Variants in MICALL1 observed in about 807,000 individuals in gnomAD.
MICALL1 encodes MICAL like 1, also known as MICAL-like protein 1.
MICALL1 carries 61 observed loss-of-function variants against 83.7 expected under a neutral mutation model. The observed-to-expected ratio is 0.73, with a 90% CI of 0.59 to 0.90. MICALL1 has a LOEUF of 0.90. Ranked by LOEUF, MICALL1 falls within the 40% of genes least tolerant of loss-of-function variation. The pLI is 0.00. For missense variants in MICALL1, 1,066 were observed against 1,152.0 expected, an observed-to-expected ratio of 0.93 and a Z score of 1.08; for synonymous variants, 481 against 473.6, an observed-to-expected ratio of 1.02 and a Z score of -0.20.
At chr22:37,914,037 G>A (rs928664677) in intron 3 of MICALL1, among the ~76,000 whole-genome samples, 4 of 151,630 alleles carry the variant, frequency 2.6e-5, no homozygotes, top group South Asian at 2.1e-4. Flanking sequence ...CAACATGTCC[G>A]GCTAATTTTT....
At position 37,927,833 on chromosome 22, in the gene MICALL1, G is replaced by T; in HGVS notation, c.1881+7G>T. ...CCCACAGCTGCAGGTAAAGGTGAGT[G>T]CCCCCTCACCCTCACTAAAAGTGAC... On this transcript the variant is annotated splice_region_variant and intron_variant, in intron 9 of 15. Coordinates refer to ENST00000215957, the MANE Select transcript of MICALL1 (RefSeq NM_033386.4). 6.3e-7 allele frequency: 1 copy of T among 1,598,440 alleles called. No individual in the cohort carries two copies.
At chr22:37,937,030 G>GA (rs1930166321) in intron 13 of MICALL1, 50 bp from the exon 14 acceptor site, 6 of 1,484,284 alleles carry the variant, frequency 4.0e-6, no homozygotes, top group Non-Finnish European at 5.5e-6. Flanking sequence ...GCCTGGGGAG[G>GA]AAGAGGGCTT....
At chr22:37,907,756 G>A (rs1435504030) in intron 1 of MICALL1, among the ~76,000 whole-genome samples, 1 of 152,228 alleles carries the variant, frequency 6.6e-6, no homozygotes, top group Non-Finnish European at 1.5e-5. Flanking sequence ...TGGTGGCTTG[G>A]GCCCTGGAGG....
At chr22:37,937,814 A>G (rs1930218921) in intron 15 of MICALL1, 22 bp downstream of exon 15, 17 of 1,612,766 alleles carry the variant, frequency 1.1e-5, no homozygotes, top group Non-Finnish European at 1.3e-5. Flanking sequence ...GCTGGGGATG[A>G]GGCTGGTGAG....
At chr22:37,909,332 G>A (rs1428183360) in intron 1 of MICALL1, among the ~76,000 whole-genome samples, 2 of 151,622 alleles carry the variant, frequency 1.3e-5, no homozygotes, top group Non-Finnish European at 2.9e-5. Flanking sequence ...GGGATTACAG[G>A]CGTGAGCCAC....
At position 37,924,606 on chromosome 22, in the gene MICALL1, G is replaced by A. The variant is rs1929302364; in HGVS notation, c.1025-54G>A. Reference sequence around the variant, plus strand: ...GCAGGTGCTGTGGCTGGCTCCCTGGGTGCCCACCTCCTGCTGCCCATGAAG... The same window carrying A: ...GCAGGTGCTGTGGCTGGCTCCCTGGATGCCCACCTCCTGCTGCCCATGAAG... On this transcript the variant is annotated intron_variant, in intron 6 of 15. Coordinates refer to ENST00000215957, the MANE Select transcript of MICALL1 (RefSeq NM_033386.4). This position sits in a 1 kb window ranked among gnomAD's most constrained non-coding sequence, Gnocchi z 5.2. 1.3e-5 allele frequency: 21 copies of A among 1,574,510 alleles called. No individual in the cohort carries two copies. Among genetic ancestry groups the A allele is most frequent in the Non-Finnish European group, 1.8e-5 (21 of 1,152,452 alleles).
intron 2 of MICALL1, among the ~76,000 whole-genome samples, 163 bp downstream of exon 2, chr22:37,912,163 C>T (rs962731696): frequency 5.3e-5 from 8 of 152,066 alleles, no homozygotes; most frequent in African/African-American, 9.7e-5. Context: ...CCTCCTCATG[C>T]ATGGAGCACC....
chr22:37,909,650 G>A lies in MICALL1; in HGVS notation c.147-2302G>A, dbSNP rs184627227. Among the ~76,000 whole-genome samples the A allele has an allele frequency of 4.7e-4, 71 of 152,316 alleles. No individual in the cohort carries two copies. In the East Asian group the frequency reaches 0.012, roughly 25 times the overall value. On this transcript the variant is annotated intron_variant, in intron 1 of 15. Coordinates refer to ENST00000215957, the MANE Select transcript of MICALL1 (RefSeq NM_033386.4). The stretch of plus-strand genomic sequence containing the variant: ...TGGGATTATAGGTGTGAGCCACCGC[G>A]CCTGGCCAACCACGTAGGTTTTAAG...
chr22:37,940,629 G>A (rs980713855), intron 15 of MICALL1, 80 bp from the exon 16 acceptor site: 99 of 1,557,792 alleles, frequency 6.4e-5, no homozygotes, highest in Non-Finnish European at 8.7e-5. Flanking sequence ...CCATGCCCAG[G>A]CCTGTGTCAC....
chr22:37,927,902 C>T, intron 9 of MICALL1, 76 bp downstream of exon 9: 2 of 1,447,816 alleles, frequency 1.4e-6, no homozygotes, highest in Non-Finnish European at 1.8e-6. Context: ...GCAGAAATGT[C>T]CAGGGCCTTT....
At chr22:37,910,800 A>T (rs1928270449) in intron 1 of MICALL1, among the ~76,000 whole-genome samples, 3 of 152,218 alleles carry the variant, frequency 2.0e-5, no homozygotes, top group Admixed American at 2.0e-4. Flanking sequence ...CCCTTTACCA[A>T]GCTGGGACTC....
intron 3 of MICALL1, among the ~76,000 whole-genome samples, chr22:37,914,191 A>C (rs1928520365): frequency 6.7e-6 from 1 of 148,698 alleles, no homozygotes; most frequent in Non-Finnish European, 1.5e-5. Flanking sequence ...CCAACTCTTT[A>C]AAGTGTTTTA....
intron 5 of MICALL1, 68 bp downstream of exon 5, chr22:37,919,246 A>T: frequency 7.0e-7 from 1 of 1,420,390 alleles, no homozygotes; most frequent in Non-Finnish European, 9.3e-7. Flanking sequence ...CAGCACACAC[A>T]GTGCGCCAGG....
At chr22:37,911,139 C>A (rs1006567534) in intron 1 of MICALL1, among the ~76,000 whole-genome samples, 1 of 152,172 alleles carries the variant, frequency 6.6e-6, no homozygotes, top group African/African-American at 2.4e-5. Flanking sequence ...CGTGCTGGGG[C>A]CCCCAGACAG....
intron 13 of MICALL1, among the ~76,000 whole-genome samples, chr22:37,935,475 G>C (rs1434300209): frequency 2.0e-5 from 3 of 150,028 alleles, no homozygotes; most frequent in Non-Finnish European, 3.0e-5. Flanking sequence ...TAGCCAGGAT[G>C]GTCTTGATCT....
chr22:37,922,210 C>T lies in MICALL1; in HGVS notation c.808C>T (p.Pro270Ser), dbSNP rs750390382. ...SAPAGAEADG[P>S]KASPEARPQI... is the part of the protein sequence containing the mutation. ...TCCTGCAGGGGCTGAGGCCGATGGACCCAAGGCCAGCCCTGAGGCCCGGCC... is the reference window on the plus strand; with the variant it reads ...TCCTGCAGGGGCTGAGGCCGATGGATCCAAGGCCAGCCCTGAGGCCCGGCC... The change falls in exon 6 of 16, where the codon CCC (proline) becomes TCC (serine). Residue 270 changes from proline to serine, a missense_variant. Transcript: ENST00000215957. 3.7e-5 allele frequency: 59 copies of T among 1,611,380 alleles called. No homozygotes were observed. In the East Asian group the frequency reaches 1.3e-3, roughly 35 times the overall value.
rs1182374234 is a variant in MICALL1, at chr22:37,932,572, T to A, written c.2036T>A (p.Ile679Asn). Residue 679 changes from isoleucine to asparagine, a missense_variant, in exon 11 of 16, where the codon ATC becomes AAC. Physicochemically the swap from Ile to Asn is moderately radical, Grantham distance 149 (BLOSUM62 -3). Transcript: ENST00000215957. This position sits in a 1 kb window ranked among gnomAD's most constrained non-coding sequence, Gnocchi z 4.4. ...GGGCAGGTCCAGGCTGACCAGTACATCCCTGAGGAGGACATCCATGGAGAG... is the reference window on the plus strand; with the variant it reads ...GGGCAGGTCCAGGCTGACCAGTACAACCCTGAGGAGGACATCCATGGAGAG... The part of the protein sequence containing the change: ...IKRKVQADQY[I>N]PEEDIHGEMD... 1.2e-6 allele frequency: 2 copies of A among 1,614,088 alleles called. No individual in the cohort carries two copies. Among genetic ancestry groups the A allele is most frequent in the South Asian group, 1.1e-5 (1 of 91,088 alleles).
chr22:37,929,123 A>G lies in MICALL1; in HGVS notation c.1881+1297A>G, dbSNP rs545176963. Among the ~76,000 whole-genome samples the G allele has an allele frequency of 1.8e-4, 28 of 152,202 alleles. 1 individual carries two copies. The South Asian group carries it at 4.6e-3, about 25-fold the overall frequency. On this transcript the variant is annotated intron_variant, in intron 9 of 15. Coordinates refer to ENST00000215957, the MANE Select transcript of MICALL1 (RefSeq NM_033386.4). ...AATGAGACTCTGTCTCAGAAAAAAA[A>G]AAGACCCTGTCTTTGGCCTCCAGGG... is the stretch of plus-strand genomic sequence containing the variant.
At chr22:37,926,095 C>T in intron 8 of MICALL1, 52 bp downstream of exon 8, 1 of 1,525,384 alleles carries the variant, frequency 6.6e-7, no homozygotes, top group South Asian at 1.3e-5. Flanking sequence ...GGGGTGGGGC[C>T]CGGGCCTGGG....
Sources: gnomAD v4.1 joint callset for allele counts (sites outside exome capture counted in the v4.1 genomes callset) on GRCh38, gnomAD v4.1.1 for gene constraint, Gnocchi (gnomAD v3.1) non-coding constraint, MANE v1.5 for transcripts, NCBI Gene and HGNC (gene_info 2026-07-23, HGNC 2026-07-21) for gene names.